AJUBA: variants seen among roughly 807,000 people sequenced by gnomAD.
AJUBA encodes LIM domain-containing protein ajuba.
In AJUBA, 20 loss-of-function variants were observed where a neutral mutation model predicts 53.3. That is an observed-to-expected ratio of 0.38 (90% CI 0.26 to 0.55). The LOEUF is 0.55. Among genes scored for constraint, AJUBA ranks in the 20% least tolerant of loss-of-function variants. AJUBA has a pLI of 0.80. For synonymous variants in AJUBA, 296 were observed against 306.2 expected, an observed-to-expected ratio of 0.97 and a Z score of 0.35; for missense variants, 580 against 730.5, an observed-to-expected ratio of 0.79 and a Z score of 2.38.
At chr14:22,978,774 AG>A (rs2045061155) in intron 1 of AJUBA, 1 of 1,199,758 alleles carries the variant, frequency 8.3e-7, no homozygotes, top group Non-Finnish European at 1.1e-6. Context: ...AAGACTACAC[AG>A]GCAAGGTATG....
intron 2 of AJUBA, chr14:22,977,072 T>C: frequency 1.8e-6 from 2 of 1,120,668 alleles, no homozygotes; most frequent in African/African-American, 1.6e-5. Context: ...TAAGGTGCTA[T>C]ATGATTTGCA....
chr14:22,981,062 A>G (rs911925830), intron 1 of AJUBA, among the ~76,000 whole-genome samples, 199 bp downstream of exon 1: 1 of 152,084 alleles, frequency 6.6e-6, no homozygotes, highest in Non-Finnish European at 1.5e-5. Flanking sequence ...TAGCAGAAAT[A>G]AGGAGCCCTG....
Position 22,979,096 on chromosome 14 carries a change from A to G in AJUBA, c.1007-651T>C. 7.8e-7 allele frequency: 1 copy of G among 1,283,316 alleles called. No individual in the cohort carries two copies. Among genetic ancestry groups the G allele is most frequent in the Non-Finnish European group, 1.0e-6 (1 of 986,092 alleles). 79.5% of individuals were successfully genotyped at this position (1,283,316 alleles called of 1,614,324 possible). A position where few individuals can be genotyped will look rare whatever the true frequency, so the allele number is the denominator to read the frequency against. The stretch of plus-strand genomic sequence containing the variant: ...GTTCCAGGAACCAGGGTTGAACAGG[A>G]AAGCAGGGAGAGTAGCAGAGCCCCT... On this transcript the variant is annotated intron_variant, in intron 1 of 7. Coordinates refer to ENST00000262713, the MANE Select transcript of AJUBA (RefSeq NM_032876.6). The surrounding 1 kb of genome is among the most constrained non-coding windows in gnomAD (Gnocchi z 4.0).
chr14:22,976,794 A>G (rs779708491), intron 2 of AJUBA, 82 bp from the exon 3 acceptor site: 41 of 1,558,370 alleles, frequency 2.6e-5, no homozygotes, highest in Non-Finnish European at 2.9e-5. Flanking sequence ...CCGCTGCTGC[A>G]TAATATATTT....
In AJUBA at chr14:22,973,346, G is replaced by C; in HGVS notation, c.*97C>G. On this transcript the variant is annotated 3_prime_UTR_variant, in exon 8 of 8. Coordinates refer to ENST00000262713, the MANE Select transcript of AJUBA (RefSeq NM_032876.6). ...CCTCCCCAGAGGACTCTTCTGCCAG[G>C]CCTGCAGAGTGCATTCTTTGCCTTG... is the stretch of plus-strand genomic sequence containing the variant. 3.3e-6 allele frequency: 5 copies of C among 1,514,528 alleles called. No homozygotes were observed. Among genetic ancestry groups the C allele is most frequent in the Non-Finnish European group, 4.5e-6 (5 of 1,121,084 alleles). The allele number at this position is 1,514,528 out of a possible 1,614,324, so 93.8% of individuals were successfully genotyped here. A position where few individuals can be genotyped will look rare whatever the true frequency, so the allele number is the denominator to read the frequency against.
rs370274837 is a variant in AJUBA at position 22,976,391 on chromosome 14, T to C, written c.1239+65A>G. The C allele has an allele frequency of 1.0e-4, 150 of 1,503,696 alleles. No homozygotes were observed. The Middle Eastern group carries it at 3.4e-3, about 34-fold the overall frequency. 93.1% of individuals were successfully genotyped at this position (1,503,696 alleles called of 1,614,324 possible). A position where few individuals can be genotyped will look rare whatever the true frequency, so the allele number is the denominator to read the frequency against. On this transcript the variant is annotated intron_variant, in intron 4 of 7. Coordinates refer to ENST00000262713, the MANE Select transcript of AJUBA (RefSeq NM_032876.6). The stretch of plus-strand genomic sequence containing the variant: ...TTCCCCAACCTTCTCTCAATATCCA[T>C]TTAGTCCCTGATCCCGCTCCTCAGC...
In AJUBA at chr14:22,981,296, C is replaced by T. The variant is rs373486750; in HGVS notation, c.971G>A (p.Arg324Gln). The T allele has an allele frequency of 4.3e-6, 7 of 1,611,092 alleles. No homozygotes were observed. In the African/African-American group the frequency reaches 8.0e-5, roughly 18 times the overall value. ...GPFVPEAARA[R>Q]MREPEAREDY... ...CTCCCTGGCCTCTGGCTCCCGCATC[C>T]GGGCCCGGGCGGCCTCCGGAACGAA... The change falls in exon 1 of 8, where the codon CGG (arginine) becomes CAG (glutamine). Residue 324 changes from arginine to glutamine, a missense_variant. Coordinates refer to ENST00000262713, the MANE Select transcript of AJUBA (RefSeq NM_032876.6).
Position 22,971,707 on chromosome 14 carries a change from G to T in AJUBA, c.*1736C>A, listed in dbSNP as rs1287646038. 6.6e-6 allele frequency: 1 copy of T among 152,138 alleles called. No individual in the cohort carries two copies. Among genetic ancestry groups the T allele is most frequent in the Non-Finnish European group, 1.5e-5 (1 of 68,036 alleles). 9.4% of individuals were successfully genotyped at this position (152,138 alleles called of 1,614,324 possible). A position where few individuals can be genotyped will look rare whatever the true frequency, so the allele number is the denominator to read the frequency against. Reference sequence around the variant, plus strand: ...TGGCCTTTTTAACAGTAGGAATGTAGAAGTTAGACCAAAGCATCAAAATCA... The same window carrying T: ...TGGCCTTTTTAACAGTAGGAATGTATAAGTTAGACCAAAGCATCAAAATCA... On this transcript the variant is annotated 3_prime_UTR_variant, in exon 8 of 8. Transcript: ENST00000262713.
intron 1 of AJUBA, chr14:22,980,777 T>A: frequency 1.4e-6 from 1 of 698,592 alleles, no homozygotes; most frequent in Non-Finnish European, 1.7e-6. Flanking sequence ...CGCGGGCACC[T>A]GGAGCGCCCG....
In AJUBA at chr14:22,982,407, G is replaced by A. The variant is rs1346242494; in HGVS notation, c.-141C>T. On this transcript the variant is annotated 5_prime_UTR_variant, in exon 1 of 8. Coordinates refer to ENST00000262713, the MANE Select transcript of AJUBA (RefSeq NM_032876.6). The stretch of plus-strand genomic sequence containing the variant: ...CAGGGGCTTAGCGGGCGGCCTGGAT[G>A]CCCTGCGCCAGGAATCCCACAGCAT... 7 of 1,457,858 alleles carry A rather than the reference G, an allele frequency of 4.8e-6. No homozygotes were observed. The highest frequency in any genetic ancestry group is 6.3e-6 in the Non-Finnish European group (7 of 1,114,940). 90.3% of individuals were successfully genotyped at this position (1,457,858 alleles called of 1,614,324 possible).
chr14:22,976,298 G>A (rs1594564169), intron 4 of AJUBA, among the ~76,000 whole-genome samples, 158 bp downstream of exon 4: 1 of 152,150 alleles, frequency 6.6e-6, no homozygotes, highest in African/African-American at 2.4e-5. Context: ...TAGGCAGAGG[G>A]AAGCCACTGT....
rs955812719 is a variant in AJUBA at position 22,973,288 on chromosome 14, TATC to T, written c.*152_*154del. The T allele has an allele frequency of 2.7e-6, 3 of 1,116,566 alleles. No homozygotes were observed. In the African/African-American group the frequency reaches 4.7e-5, roughly 18 times the overall value. The allele number at this position is 1,116,566 out of a possible 1,614,324, so 69.2% of individuals were successfully genotyped here. ...TTTCTCTTCCACAATCCATTTGGAA[TATC>T]ATGATCTTTGGGTCTCCGGCCCTTG... On this transcript the variant is annotated 3_prime_UTR_variant, in exon 8 of 8. Coordinates refer to ENST00000262713, the MANE Select transcript of AJUBA (RefSeq NM_032876.6).
intron 1 of AJUBA, chr14:22,978,684 G>A (rs1017312922): frequency 7.7e-7 from 1 of 1,291,906 alleles, no homozygotes; most frequent in East Asian, 3.6e-5. Context: ...GCTTAACACA[G>A]CACCACTACC....
rs1023120681 is a variant in AJUBA at position 22,979,136 on chromosome 14, A to G, written c.1007-691T>C. The G allele has an allele frequency of 1.1e-4, 134 of 1,239,990 alleles. No homozygotes were observed. Among genetic ancestry groups the G allele is most frequent in the Non-Finnish European group, 1.3e-4 (130 of 967,186 alleles). The allele number at this position is 1,239,990 out of a possible 1,614,324, so 76.8% of individuals were successfully genotyped here. ...GCAGAGCCCCTGATGCCTCCTAGTC[A>G]CCTTCTATCATGGGAAGAATACAGA... is the stretch of plus-strand genomic sequence containing the variant. On this transcript the variant is annotated intron_variant, in intron 1 of 7. Coordinates refer to ENST00000262713, the MANE Select transcript of AJUBA (RefSeq NM_032876.6). The surrounding 1 kb of genome is among the most constrained non-coding windows in gnomAD (Gnocchi z 4.0).
chr14:22,981,991 C>T lies in AJUBA; in HGVS notation c.276G>A (p.Gly92=), dbSNP rs1344202739. The T allele has an allele frequency of 1.9e-6, 3 of 1,579,446 alleles. No homozygotes were observed. Among genetic ancestry groups the T allele is most frequent in the African/African-American group, 1.4e-5 (1 of 72,974 alleles). The change falls in exon 1 of 8, where the codon GGG becomes GGA. Residue 92 remains glycine (G), a synonymous_variant. Coordinates refer to ENST00000262713, the MANE Select transcript of AJUBA (RefSeq NM_032876.6). ...APRYEGSFPA[G]PPPTRALPLP... ...GAGGCAAGGCCCGGGTGGGCGGCGGCCCCGCGGGAAAAGAGCCTTCGTAGC... is the reference window on the plus strand; with the variant it reads ...GAGGCAAGGCCCGGGTGGGCGGCGGTCCCGCGGGAAAAGAGCCTTCGTAGC...
intron 1 of AJUBA, 95 bp downstream of exon 1, chr14:22,981,159 CACCTCGG>C: frequency 7.1e-7 from 1 of 1,415,494 alleles, no homozygotes; most frequent in Middle Eastern, 1.9e-4. Flanking sequence ...CCCGCGTCTT[CACCTCGG>C]ACCCCGGGGC....
At chr14:22,978,713 G>C (rs1036011012) in intron 1 of AJUBA, 1 of 1,253,094 alleles carries the variant, frequency 8.0e-7, no homozygotes, top group East Asian at 4.2e-5. Flanking sequence ...CCTGGAGAAA[G>C]TCGAAGATAT....
chr14:22,971,642 C>A lies in AJUBA; in HGVS notation c.*1801G>T, dbSNP rs1474663461. ...TGTATAACTTTTCATTGTAAGTCAA[C>A]TGAATATGCCTCATGCCTATTCATT... On this transcript the variant is annotated 3_prime_UTR_variant, in exon 8 of 8. Coordinates refer to ENST00000262713, the MANE Select transcript of AJUBA (RefSeq NM_032876.6). The A allele has an allele frequency of 2.6e-5, 4 of 152,296 alleles. No homozygotes were observed. The highest frequency in any genetic ancestry group is 9.6e-5 in the African/African-American group (4 of 41,554). 9.4% of individuals were successfully genotyped at this position (152,296 alleles called of 1,614,324 possible). A position where few individuals can be genotyped will look rare whatever the true frequency, so the allele number is the denominator to read the frequency against.
In AJUBA at chr14:22,981,974, G is replaced by T; in HGVS notation, c.293C>A (p.Ala98Asp). Reference protein sequence around the residue: ...SFPAGPPPTRALPLPQSLPPD... With the variant: ...SFPAGPPPTRDLPLPQSLPPD... ...GGGCAACGACTGAGGTAGAGGCAAG[G>T]CCCGGGTGGGCGGCGGCCCCGCGGG... The change falls in exon 1 of 8, where the codon GCC becomes GAC. Residue 98 changes from alanine (A) to aspartate (D), a missense_variant. By Grantham distance (126) the Ala-to-Asp change is moderately radical. Around this residue, in one of 2 missense-constraint regions of AJUBA, gnomAD observed 430 missense variants for 471.5 expected, o/e 0.91. Coordinates refer to ENST00000262713, the MANE Select transcript of AJUBA (RefSeq NM_032876.6). The T allele has an allele frequency of 1.3e-6, 2 of 1,577,024 alleles. No homozygotes were observed. Among genetic ancestry groups the T allele is most frequent in the Non-Finnish European group, 1.7e-6 (2 of 1,167,128 alleles).
Sources: gnomAD v4.1 joint callset for allele counts (sites outside exome capture counted in the v4.1 genomes callset) on GRCh38, gnomAD v4.1.1 for gene constraint, gnomAD v4.1.1 regional missense constraint, Gnocchi (gnomAD v3.1) non-coding constraint, MANE v1.5 for transcripts, NCBI Gene and HGNC (gene_info 2026-07-23, HGNC 2026-07-21) for gene names.